Variants in HEXD observed in about 807,000 individuals in gnomAD.
HEXD encodes hexosaminidase D.
A neutral mutation model predicts 54.2 loss-of-function variants in HEXD; 47 were observed. That is an observed-to-expected ratio of 0.87 (90% CI 0.69 to 1.11). The LOEUF (loss-of-function observed/expected upper bound fraction) is 1.11, where lower values mean the gene tolerates loss of function less well. Among genes scored for constraint, HEXD ranks in the 50% least tolerant of loss-of-function variants. The probability of loss-of-function intolerance (pLI) is 0.00; values close to 1 mark genes in which losing one functional copy is unlikely to be tolerated. For missense variants in HEXD, 576 were observed against 649.2 expected (o/e 0.89, Z 1.23); for synonymous variants, 293 against 287.6 (o/e 1.02, Z -0.19).
chr17:82,435,619 C>T lies in HEXD; in HGVS notation c.448-70C>T, dbSNP rs1055944370. ...GCGGCCCCTCTCCGTCAGGGCACGG[C>T]GTGAACCCCGGACCCTCCCACCGGT... On this transcript the variant is annotated intron_variant, in intron 5 of 12. Transcript: ENST00000327949. The T allele has an allele frequency of 4.6e-5, 69 of 1,489,710 alleles. No individual in the cohort carries two copies. In the African/African-American group the frequency reaches 5.9e-4, roughly 13 times the overall value. The allele number at this position is 1,489,710 out of a possible 1,614,324, so 92.3% of individuals were successfully genotyped here. A position where few individuals can be genotyped will look rare whatever the true frequency, so the allele number is the denominator to read the frequency against.
At chr17:82,424,317 G>T in intron 2 of HEXD, 77 bp from the exon 3 acceptor site, 1 of 876,690 alleles carries the variant, frequency 1.1e-6, no homozygotes. Context: ...GAAAGGGAAG[G>T]CGTCTCCCTG....
chr17:82,423,167 T>A (rs1014797748), intron 2 of HEXD: 19 of 152,358 alleles, frequency 1.2e-4, no homozygotes, highest in Admixed American at 1.2e-3. Flanking sequence ...GCGTGACAGA[T>A]CTCCCCAAAC....
At chr17:82,437,433 G>A (rs2143593258) in intron 8 of HEXD, 70 bp downstream of exon 8, 3 of 1,370,336 alleles carry the variant, frequency 2.2e-6, no homozygotes, top group South Asian at 1.5e-5. Flanking sequence ...GGCCTGTGCA[G>A]CGTCCGCCAA....
At position 82,441,199 on chromosome 17, in the gene HEXD, C is replaced by G; in HGVS notation, c.1096C>G (p.Leu366Val). Residue 366 changes from leucine (L) to valine (V), a missense_variant, in exon 11 of 13, where the codon CTT (leucine) becomes GTT (valine). Leu to Val is a conservative substitution (Grantham distance 32). Coordinates refer to ENST00000327949, the MANE Select transcript of HEXD (RefSeq NM_001330542.2). ...GAGSFPGSNI[L>V]ALVTQVSLHL... ...CGGCTCCTTCCCTGGCAGCAACATC[C>G]TTGCCCTTGTCACACAAGTCAGCCT... 1.2e-6 allele frequency: 2 copies of G among 1,613,180 alleles called. No individual in the cohort carries two copies. The highest frequency in any genetic ancestry group is 2.7e-5 in the African/African-American group (2 of 75,040).
In HEXD at chr17:82,439,633, A is replaced by G. The variant is rs546116340; in HGVS notation, c.902A>G (p.Tyr301Cys). The G allele has an allele frequency of 2.6e-6, 4 of 1,549,436 alleles. No homozygotes were observed. Among genetic ancestry groups the G allele is most frequent in the South Asian group, 1.2e-5 (1 of 84,570 alleles). ...AAGCGCCCCTCTCATGGACCCAGGT[A>G]CGACCACTACTCTGTGCTGTGCGAG... ...QGIILTGWQRYDHYSVLCELL... is the reference protein window; with the variant it reads ...QGIILTGWQRCDHYSVLCELL... The change falls in exon 9 of 13, where the codon TAC becomes TGC. Residue 301 changes from tyrosine to cysteine, a missense_variant and splice_region_variant. Physicochemically the swap from Tyr to Cys is radical, Grantham distance 194 (BLOSUM62 -2). Coordinates refer to ENST00000327949, the MANE Select transcript of HEXD (RefSeq NM_001330542.2).
chr17:82,419,866 G>A lies in HEXD; in HGVS notation c.67G>A (p.Val23Ile), dbSNP rs1212125433. 3 of 1,609,196 alleles carry A rather than the reference G, an allele frequency of 1.9e-6. No homozygotes were observed. In the South Asian group the frequency reaches 3.3e-5, roughly 18 times the overall value. Reference sequence around the variant, plus strand: ...AGACCTTAAAGGAGCTCCACCAAAGGTCTCGTACCTCTCAGAGGTAAGGAC... The same window carrying A: ...AGACCTTAAAGGAGCTCCACCAAAGATCTCGTACCTCTCAGAGGTAAGGAC... Reference protein sequence around the residue: ...HLDLKGAPPKVSYLSEIFPLF... With the variant: ...HLDLKGAPPKISYLSEIFPLF... The change falls in exon 2 of 13, where the codon GTC becomes ATC. Residue 23 changes from valine (V) to isoleucine (I), a missense_variant. Physicochemically the swap from Val to Ile is conservative, Grantham distance 29 (BLOSUM62 3). Transcript: ENST00000327949.
rs1411662951 is a variant in HEXD, at chr17:82,433,772, G to A, written c.397G>A (p.Val133Ile). The A allele has an allele frequency of 1.2e-5, 19 of 1,612,900 alleles. No homozygotes were observed. Among genetic ancestry groups the A allele is most frequent in the Non-Finnish European group, 1.4e-5 (17 of 1,179,782 alleles). The change falls in exon 5 of 13, where the codon GTC (valine) becomes ATC (isoleucine). Residue 133 changes from valine (V) to isoleucine (I), a missense_variant. By Grantham distance (29) the Val-to-Ile change is conservative (BLOSUM62 3). Transcript: ENST00000327949. ...LALVGAMIDQ[V>I]LELHPGAQRL... ...GCTGGTGGGCGCCATGATTGACCAG[G>A]TCCTGGAGCTACACCCAGGCGCCCA...
In HEXD at chr17:82,440,983, A is replaced by G. The variant is rs2053929050; in HGVS notation, c.983-14A>G. The G allele has an allele frequency of 6.2e-7, 1 of 1,612,596 alleles. No individual in the cohort carries two copies. The highest frequency in any genetic ancestry group is 1.7e-5 in the Admixed American group (1 of 59,938). On this transcript the variant is annotated splice_polypyrimidine_tract_variant and intron_variant, in intron 9 of 12. Coordinates refer to ENST00000327949, the MANE Select transcript of HEXD (RefSeq NM_001330542.2). ...AGAGGCCCCTCCAACCGCCCCGCTC[A>G]TTTGTGATTTCAGGAGGATTTGATG...
chr17:82,419,128 A>C (rs1372175472), intron 1 of HEXD, among the ~76,000 whole-genome samples: 7 of 152,006 alleles, frequency 4.6e-5, no homozygotes, highest in African/African-American at 1.7e-4. Flanking sequence ...AAAATACATA[A>C]ATTTTACCCT....
intron 8 of HEXD, 113 bp from the exon 9 acceptor site, chr17:82,439,518 C>T (rs191515195): frequency 9.2e-5 from 136 of 1,476,106 alleles, no homozygotes; most frequent in African/African-American, 1.4e-4. Flanking sequence ...CTGCCCCCAG[C>T]GCTGATGTAG....
chr17:82,435,169 A>G (rs1389374943), intron 5 of HEXD, among the ~76,000 whole-genome samples: 24 of 152,198 alleles, frequency 1.6e-4, no homozygotes, highest in Admixed American at 1.6e-3. Context: ...ATAAATAAGT[A>G]TAAACGTCAG....
intron 4 of HEXD, among the ~76,000 whole-genome samples, chr17:82,433,126 ATATTTTTTTTTTTTTTTTATATATATATT>A (rs1421635561): frequency 2.8e-3 from 38 of 13,530 alleles, no homozygotes; most frequent in African/African-American, 0.021. Context: ...ATATATATAT[ATATTTTTTTTTTTTTTTTATATATATATT>A]TTTAGTCTGG....
rs1326160073 is a variant in HEXD, at chr17:82,419,815, C to T, written c.16C>T (p.Pro6Ser). ...AAATATTGAAATGTCAGGTTCCACTCCATTTCAGATGAGATTAGTTCATTT... is the reference window on the plus strand; with the variant it reads ...AAATATTGAAATGTCAGGTTCCACTTCATTTCAGATGAGATTAGTTCATTT... The part of the protein sequence containing the change: MSGST[P>S]FQMRLVHLDL... The change falls in exon 2 of 13, where the codon CCA (proline) becomes TCA (serine). Residue 6 changes from proline to serine, a missense_variant. Coordinates refer to ENST00000327949, the MANE Select transcript of HEXD (RefSeq NM_001330542.2). 1 of 1,608,706 alleles carries T rather than the reference C, an allele frequency of 6.2e-7. No individual in the cohort carries two copies. The highest frequency in any genetic ancestry group is 8.5e-7 in the Non-Finnish European group (1 of 1,175,304).
Position 82,441,907 on chromosome 17 carries a change from T to C in HEXD, c.1253+18T>C, listed in dbSNP as rs1286251030. ...GCGCTCAGGTGAGGCCCTGGGCTCTTATAGGCCGTGCAGCCATGGGTTCCC... is the reference window on the plus strand; with the variant it reads ...GCGCTCAGGTGAGGCCCTGGGCTCTCATAGGCCGTGCAGCCATGGGTTCCC... On this transcript the variant is annotated intron_variant, in intron 12 of 12. Transcript: ENST00000327949. 1.2e-6 allele frequency: 2 copies of C among 1,609,648 alleles called. No individual in the cohort carries two copies. Among genetic ancestry groups the C allele is most frequent in the East Asian group, 2.2e-5 (1 of 44,858 alleles).
rs2053138667 is a variant in HEXD, at chr17:82,418,692, G to A, written c.-100G>A. On this transcript the variant is annotated 5_prime_UTR_variant, in exon 1 of 13. Coordinates refer to ENST00000327949, the MANE Select transcript of HEXD (RefSeq NM_001330542.2). ...GAGGCGGCGGCCGCGAGGGCGGGGC[G>A]GCCGGGCCTGGCTGCGCCCCCGGAC... 1 of 161,778 alleles carries A rather than the reference G, an allele frequency of 6.2e-6. No individual in the cohort carries two copies. The highest frequency in any genetic ancestry group is 2.4e-5 in the African/African-American group (1 of 41,570). 10.0% of individuals were successfully genotyped at this position (161,778 alleles called of 1,614,324 possible).
chr17:82,421,793 T>C (rs2053241966), intron 2 of HEXD, among the ~76,000 whole-genome samples: 1 of 151,796 alleles, frequency 6.6e-6, no homozygotes, highest in African/African-American at 2.4e-5. Context: ...GCCACTGCAC[T>C]CCAGCCAAGG....
At chr17:82,428,491 G>A (rs1018121629) in intron 3 of HEXD, 67 bp from the exon 4 acceptor site, 23 of 1,343,260 alleles carry the variant, frequency 1.7e-5, no homozygotes, top group Non-Finnish European at 2.3e-5. Flanking sequence ...AGGAAGGGCT[G>A]GGGGGGTGGG....
chr17:82,433,881 T>C, intron 5 of HEXD, 59 bp downstream of exon 5: 3 of 1,467,670 alleles, frequency 2.0e-6, no homozygotes, highest in Non-Finnish European at 2.7e-6. Context: ...GCTTGTCCTT[T>C]TAAATAGGAA....
At chr17:82,424,340 C>T in intron 2 of HEXD, 54 bp from the exon 3 acceptor site, 1 of 1,184,572 alleles carries the variant, frequency 8.4e-7, no homozygotes, top group Non-Finnish European at 1.3e-6. Flanking sequence ...GTGGACTTGC[C>T]ACATCGTGCT....
Sources: gnomAD v4.1 joint callset for allele counts (sites outside exome capture counted in the v4.1 genomes callset) on GRCh38, gnomAD v4.1.1 for gene constraint, MANE v1.5 for transcripts, NCBI Gene and HGNC (gene_info 2026-07-23, HGNC 2026-07-21) for gene names.